Variants in CSMD3 observed in about 807,000 individuals in gnomAD.
CSMD3 encodes CUB and sushi domain-containing protein 3.
A neutral mutation model predicts 435.2 loss-of-function variants in CSMD3; 177 were observed. The ratio of observed to expected loss-of-function variants is 0.41; its 90% CI spans 0.36 to 0.46. CSMD3 has a LOEUF of 0.46. CSMD3 is among the 20% of genes least tolerant of loss of function. The pLI is 0.34. For missense variants in CSMD3, 4,265 were observed against 4,504.6 expected (o/e 0.95, Z 1.52); for synonymous variants, 1,656 against 1,520.5 (o/e 1.09, Z -2.07).
At chr8:112,947,980 T>C in intron 8 of CSMD3, 103 bp from the exon 9 acceptor site, 1 of 623,420 alleles carries the variant, frequency 1.6e-6, no homozygotes, top group Non-Finnish European at 2.9e-6. Context: ...TTGTATTTTG[T>C]CACTATAATC....
rs2131170252 is a variant in CSMD3, at chr8:113,019,083, A to G, written c.1014T>C (p.Phe338=). Residue 338 remains phenylalanine (F), a synonymous_variant, in exon 6 of 71, where the codon TTT becomes TTC. Transcript: ENST00000297405. The part of the protein sequence containing the change: ...VTDSNHRYRG[F]SAPYQGSSTL... ...TAAGTATACCTTGATAGGGAGCACTAAATCCACGGTATCGATGATTGCTGT... is the reference window on the plus strand; with the variant it reads ...TAAGTATACCTTGATAGGGAGCACTGAATCCACGGTATCGATGATTGCTGT... The G allele has an allele frequency of 1.2e-6, 2 of 1,609,534 alleles. No individual in the cohort carries two copies. Among genetic ancestry groups the G allele is most frequent in the Non-Finnish European group, 1.7e-6 (2 of 1,175,848 alleles).
chr8:112,965,607 A>G (rs373414058), intron 7 of CSMD3, among the ~76,000 whole-genome samples: 4 of 152,104 alleles, frequency 2.6e-5, no homozygotes, highest in African/African-American at 9.6e-5. Context: ...TAAAAATGTT[A>G]AAATGGTTAC....
At chr8:112,244,645 A>G (rs1814526004) in intron 64 of CSMD3, 72 bp from the exon 65 acceptor site, 3 of 1,171,850 alleles carry the variant, frequency 2.6e-6, no homozygotes, top group Non-Finnish European at 3.8e-6. Context: ...AGGAGTCACA[A>G]TATATTTCAG....
At chr8:112,731,473 C>G (rs2077073311) in intron 13 of CSMD3, among the ~76,000 whole-genome samples, 1 of 152,106 alleles carries the variant, frequency 6.6e-6, no homozygotes, top group African/African-American at 2.4e-5. Flanking sequence ...CAAAGACTTA[C>G]AAGTTGAGTA....
intron 19 of CSMD3, among the ~76,000 whole-genome samples, chr8:112,647,090 C>G (rs940842201): frequency 3.1e-5 from 3 of 97,940 alleles, no homozygotes; most frequent in Non-Finnish European, 8.9e-5. Context: ...ATAACTCAAA[C>G]AGTCTAGTTC....
intron 32 of CSMD3, among the ~76,000 whole-genome samples, chr8:112,412,565 A>T (rs180946773): frequency 1.6e-3 from 245 of 152,274 alleles, no homozygotes; most frequent in Non-Finnish European, 2.7e-3. Context: ...TGTTAAAGAA[A>T]ATGTTTTTAT....
intron 5 of CSMD3, among the ~76,000 whole-genome samples, chr8:113,024,669 T>C (rs1275330572): frequency 6.6e-6 from 1 of 152,202 alleles, no homozygotes; most frequent in African/African-American, 2.4e-5. Flanking sequence ...TGATATCTCA[T>C]TGTGGTACTG....
At position 112,921,003 on chromosome 8, in the gene CSMD3, A is replaced by G. The variant is rs1013126325; in HGVS notation, c.1633+624T>C. 3.9e-3 allele frequency among the ~76,000 whole-genome samples: 513 copies of G among 130,152 alleles called. 5 individuals are homozygous for G. The highest frequency in any genetic ancestry group is 0.013 in the African/African-American group (461 of 34,414). 85.4% of individuals were successfully genotyped at this position (130,152 alleles called of 152,430 possible). Reference sequence around the variant, plus strand: ...TACACACATACGCGCGCGCGCACACACACACACACACACACACACACACAC... The same window carrying G: ...TACACACATACGCGCGCGCGCACACGCACACACACACACACACACACACAC... On this transcript the variant is annotated intron_variant, in intron 10 of 70. Transcript: ENST00000297405.
intron 2 of CSMD3, among the ~76,000 whole-genome samples, chr8:113,302,800 T>C (rs2093784286): frequency 7.0e-6 from 1 of 142,192 alleles, no homozygotes; most frequent in African/African-American, 2.7e-5. Flanking sequence ...CCACAGCCAA[T>C]ATCATACTGA....
At chr8:112,505,863 A>G (rs1385405887) in intron 29 of CSMD3, among the ~76,000 whole-genome samples, 2 of 152,146 alleles carry the variant, frequency 1.3e-5, no homozygotes, top group African/African-American at 4.8e-5. Context: ...CTAAGGTCAC[A>G]TAATAAATGA....
chr8:113,340,936 C>G (rs1189871636), intron 1 of CSMD3, among the ~76,000 whole-genome samples: 1 of 151,352 alleles, frequency 6.6e-6, no homozygotes, highest in African/African-American at 2.4e-5. Flanking sequence ...ACCTGTATTG[C>G]TTTATCTTTA....
At chr8:112,295,621 AATTT>A (rs1176074264) in intron 54 of CSMD3, among the ~76,000 whole-genome samples, 1 of 151,794 alleles carries the variant, frequency 6.6e-6, no homozygotes, top group African/African-American at 2.4e-5. Context: ...AGCTAAATTT[AATTT>A]ATTATCTTCA....
At chr8:112,937,389 CGCCTAATTTGGA>C (rs1399706416) in intron 9 of CSMD3, among the ~76,000 whole-genome samples, 11 of 137,786 alleles carry the variant, frequency 8.0e-5, no homozygotes, top group Middle Eastern at 8.7e-3. Flanking sequence ...CTCTCTCTGT[CGCCTAATTTGGA>C]GTGCAGTGGC....
At chr8:112,734,133 T>C (rs540698458) in intron 13 of CSMD3, among the ~76,000 whole-genome samples, 5 of 151,998 alleles carry the variant, frequency 3.3e-5, no homozygotes, top group Admixed American at 2.6e-4. Flanking sequence ...ACAAAAGAAG[T>C]TGGCCATTTG....
intron 30 of CSMD3, among the ~76,000 whole-genome samples, chr8:112,502,114 A>G (rs185778949): frequency 1.2e-3 from 188 of 152,322 alleles, no homozygotes; most frequent in African/African-American, 4.4e-3. Flanking sequence ...GTTTGCCTAC[A>G]TGGCCAGCTA....
At chr8:113,261,808 AT>A (rs1463487474) in intron 3 of CSMD3, among the ~76,000 whole-genome samples, 1 of 152,098 alleles carries the variant, frequency 6.6e-6, no homozygotes, top group Non-Finnish European at 1.5e-5. Flanking sequence ...ATACATGGGC[AT>A]ATTCATTATA....
rs140114170 is a variant in CSMD3 at position 113,286,328 on chromosome 8, A to T, written c.402-7624T>A. ...AACTAGTCACAAGGAGAATTAAACAATTAACTTACAACTTTCTATCAATAA... is the reference window on the plus strand; with the variant it reads ...AACTAGTCACAAGGAGAATTAAACATTTAACTTACAACTTTCTATCAATAA... On this transcript the variant is annotated intron_variant, in intron 2 of 70. Coordinates refer to ENST00000297405, the MANE Select transcript of CSMD3 (RefSeq NM_198123.2). 8.2e-3 allele frequency among the ~76,000 whole-genome samples: 1,250 copies of T among 152,290 alleles called. 17 individuals carry two copies. The highest frequency in any genetic ancestry group is 0.028 in the African/African-American group (1,170 of 41,554).
At chr8:112,527,835 A>G (rs754606267) in intron 27 of CSMD3, among the ~76,000 whole-genome samples, 6 of 152,162 alleles carry the variant, frequency 3.9e-5, no homozygotes, top group Non-Finnish European at 7.4e-5. Flanking sequence ...TATTTGAGGC[A>G]ATCAATGTTA....
In CSMD3 at chr8:112,718,266, C is replaced by T. The variant is rs182113548; in HGVS notation, c.1973-28216G>A. On this transcript the variant is annotated intron_variant, in intron 13 of 70. Transcript: ENST00000297405. Reference sequence around the variant, plus strand: ...TAAATTGCACACGTATAAAGGCTGTCTCTTCTATATACTATGAAGGATACT... The same window carrying T: ...TAAATTGCACACGTATAAAGGCTGTTTCTTCTATATACTATGAAGGATACT... Among the ~76,000 whole-genome samples the T allele has an allele frequency of 1.2e-3, 185 of 151,998 alleles. 1 individual carries two copies. The highest frequency in any genetic ancestry group is 4.1e-3 in the African/African-American group (172 of 41,484).
Sources: allele counts gnomAD v4.1 joint callset (sites outside exome capture counted in the v4.1 genomes callset), GRCh38; gene constraint gnomAD v4.1.1; transcripts MANE v1.5; gene names NCBI Gene and HGNC (gene_info 2026-07-23, HGNC 2026-07-21).